The following IKBKB variants were observed in gnomAD, a reference collection of about 807,000 sequenced individuals.
IKBKB encodes inhibitor of nuclear factor kappa-B kinase subunit beta.
A neutral mutation model predicts 113.6 loss-of-function variants in IKBKB; 42 were observed. The ratio of observed to expected loss-of-function variants is 0.37; its 90% confidence interval spans 0.29 to 0.48. The LOEUF (loss-of-function observed/expected upper bound fraction) is 0.48. Ranked by LOEUF, IKBKB falls within the 20% of genes least tolerant of loss-of-function variation. The pLI, the probability that IKBKB is intolerant of heterozygous loss-of-function variation, is 0.99. For synonymous variants in IKBKB, 296 were observed against 361.3 expected (o/e 0.82, Z 2.05); for missense variants, 673 against 939.7 (o/e 0.72, Z 3.71).
Position 42,316,471 on chromosome 8 carries a change from T to C in IKBKB, c.930+132T>C. On this transcript the variant is annotated intron_variant, in intron 10 of 21. Coordinates refer to ENST00000520810, the MANE Select transcript of IKBKB (RefSeq NM_001556.3). The surrounding 1 kb of genome is among the most constrained non-coding windows in gnomAD (Gnocchi z 4.5). ...ATTTAGGCTCCTGCATCAGTCTTTC[T>C]GCATAAGTAAAGAAAGGACAGTTGT... 1 of 1,116,210 alleles carries C rather than the reference T, an allele frequency of 9.0e-7. No homozygotes were observed. Among genetic ancestry groups the C allele is most frequent in the Non-Finnish European group, 1.3e-6 (1 of 785,028 alleles). 69.1% of individuals were successfully genotyped at this position (1,116,210 alleles called of 1,614,324 possible). A position where few individuals can be genotyped will look rare whatever the true frequency, so the allele number is the denominator to read the frequency against.
intron 5 of IKBKB, among the ~76,000 whole-genome samples, chr8:42,298,833 C>T (rs1814483031): frequency 6.6e-6 from 1 of 152,126 alleles, no homozygotes; most frequent in Non-Finnish European, 1.5e-5. Context: ...GGATGGTGGC[C>T]CCGGGACATC....
Position 42,298,123 on chromosome 8 carries a change from T to C in IKBKB, c.388+4611T>C, listed in dbSNP as rs555894031. The C allele has an allele frequency of 3.0e-6, 3 of 985,438 alleles. No homozygotes were observed. The African/African-American group carries it at 5.2e-5, about 17-fold the overall frequency. 61.0% of individuals were successfully genotyped at this position (985,438 alleles called of 1,614,324 possible). ...TTTAAACAGTCTTGCTCATTATCCTTTGGAAAACATTGGCATGTGTTTTCT... is the reference window on the plus strand; with the variant it reads ...TTTAAACAGTCTTGCTCATTATCCTCTGGAAAACATTGGCATGTGTTTTCT... On this transcript the variant is annotated intron_variant, in intron 5 of 21. Coordinates refer to ENST00000520810, the MANE Select transcript of IKBKB (RefSeq NM_001556.3).
Position 42,322,137 on chromosome 8 carries a change from A to G in IKBKB, c.1822A>G (p.Ile608Val), listed in dbSNP as rs772743195. Reference protein sequence around the residue: ...IQSFEKKVRVIYTQLSKTVVC... With the variant: ...IQSFEKKVRVVYTQLSKTVVC... ...GAGCTTCGAGAAGAAAGTGCGAGTGATCTATACGCAGCTCAGGTATGAGCC... is the reference window on the plus strand; with the variant it reads ...GAGCTTCGAGAAGAAAGTGCGAGTGGTCTATACGCAGCTCAGGTATGAGCC... The change falls in exon 18 of 22, where the codon ATC becomes GTC. Residue 608 changes from isoleucine to valine, a missense_variant. By Grantham distance (29) the Ile-to-Val change is conservative. Coordinates refer to ENST00000520810, the MANE Select transcript of IKBKB (RefSeq NM_001556.3). 6.2e-7 allele frequency: 1 copy of G among 1,613,284 alleles called. No individual in the cohort carries two copies. Among genetic ancestry groups the G allele is most frequent in the Non-Finnish European group, 8.5e-7 (1 of 1,179,604 alleles).
chr8:42,314,459 T>C, intron 9 of IKBKB, 30 bp downstream of exon 9: 1 of 1,364,714 alleles, frequency 7.3e-7, no homozygotes, highest in South Asian at 1.2e-5. Flanking sequence ...CACGAATACA[T>C]ATCTTTCTTG....
chr8:42,293,380 A>T, intron 4 of IKBKB, 63 bp from the exon 5 acceptor site: 1 of 1,604,426 alleles, frequency 6.2e-7, no homozygotes, highest in Non-Finnish European at 8.5e-7. Context: ...GGTAAGAGAC[A>T]TGTGTGGATT....
intron 18 of IKBKB, 93 bp from the exon 19 acceptor site, chr8:42,322,254 A>C: frequency 6.3e-7 from 1 of 1,575,728 alleles, no homozygotes; most frequent in Admixed American, 1.7e-5. Flanking sequence ...TCATGAAGAG[A>C]GTTTCTGCAG....
chr8:42,327,510 GT>G (rs1386701438), intron 20 of IKBKB, among the ~76,000 whole-genome samples: 5 of 150,642 alleles, frequency 3.3e-5, no homozygotes, highest in African/African-American at 1.2e-4. Context: ...ATTTTTTGTA[GT>G]TTTAGTAGAG....
At chr8:42,271,524 G>T in intron 1 of IKBKB, 55 bp downstream of exon 1, 1 of 583,190 alleles carries the variant, frequency 1.7e-6, no homozygotes, top group East Asian at 3.5e-5. Context: ...CCGCCGCCCC[G>T]CTGCCTGCAA....
chr8:42,299,572 C>T (rs1814705412), intron 5 of IKBKB, among the ~76,000 whole-genome samples: 1 of 151,928 alleles, frequency 6.6e-6, no homozygotes, highest in African/African-American at 2.4e-5. Context: ...ACCCACCTGC[C>T]AGCCTCTGTG....
intron 1 of IKBKB, 165 bp downstream of exon 1, chr8:42,271,634 C>T: frequency 1.8e-6 from 1 of 547,358 alleles, no homozygotes; most frequent in Non-Finnish European, 3.2e-6. Flanking sequence ...GGAGAAACAG[C>T]TCTCCCTGGG....
chr8:42,314,472 T>G (rs768272162), intron 9 of IKBKB, 43 bp downstream of exon 9: 3 of 1,313,816 alleles, frequency 2.3e-6, no homozygotes, highest in Non-Finnish European at 2.2e-6. Flanking sequence ...CTTTCTTGCT[T>G]TTTTTAGAAA....
In IKBKB at chr8:42,271,342, G is replaced by C. The variant is rs758421950; in HGVS notation, c.-146G>C. 3 of 1,249,764 alleles carry C rather than the reference G, an allele frequency of 2.4e-6. No individual in the cohort carries two copies. The highest frequency in any genetic ancestry group is 3.0e-5 in the African/African-American group (2 of 67,568). The allele number at this position is 1,249,764 out of a possible 1,614,324, so 77.4% of individuals were successfully genotyped here. A position where few individuals can be genotyped will look rare whatever the true frequency, so the allele number is the denominator to read the frequency against. On this transcript the variant is annotated 5_prime_UTR_variant, in exon 1 of 22. Transcript: ENST00000520810. ...GAAGTGTTTGAGGAAGTCGCGCCGC[G>C]CTGCCCGCGTTAAGATTCCCGCATT... is the stretch of plus-strand genomic sequence containing the variant.
At chr8:42,308,836 GC>G in intron 7 of IKBKB, 64 bp from the exon 8 acceptor site, 2 of 1,519,088 alleles carry the variant, frequency 1.3e-6, no homozygotes, top group African/African-American at 1.4e-5. Context: ...TGGGCTGGCC[GC>G]CCCCTCCTGC....
At chr8:42,289,104 G>A (rs9969616) in intron 3 of IKBKB, among the ~76,000 whole-genome samples, 40,746 of 152,048 alleles carry the variant, frequency 0.27, 11,218 homozygotes, top group African/African-American at 0.71. Flanking sequence ...AGTCTCAGCC[G>A]CTCGGGTGGC....
At position 42,298,788 on chromosome 8, in the gene IKBKB, C is replaced by G. The variant is rs554163153; in HGVS notation, c.388+5276C>G. 2.0e-5 allele frequency among the ~76,000 whole-genome samples: 3 copies of G among 152,224 alleles called. No individual in the cohort carries two copies. The East Asian group carries it at 5.8e-4, about 29-fold the overall frequency. On this transcript the variant is annotated intron_variant, in intron 5 of 21. Coordinates refer to ENST00000520810, the MANE Select transcript of IKBKB (RefSeq NM_001556.3). The stretch of plus-strand genomic sequence containing the variant: ...TCTCTAGGGCCCCGTCTCCCTCTAA[C>G]AACTCCATTTCACTGTCCAGAAATC...
chr8:42,312,106 T>C (rs1817821271), intron 8 of IKBKB, among the ~76,000 whole-genome samples: 3 of 152,206 alleles, frequency 2.0e-5, no homozygotes, highest in Non-Finnish European at 4.4e-5. Context: ...CAGGATGGTC[T>C]CGATCTCCTG....
intron 2 of IKBKB, among the ~76,000 whole-genome samples, chr8:42,279,631 G>A (rs930884781): frequency 6.6e-6 from 1 of 152,164 alleles, no homozygotes; most frequent in African/African-American, 2.4e-5. Context: ...CTGAAGCACA[G>A]TCTCTGTGAC....
chr8:42,299,401 A>ACT (rs963570413), intron 5 of IKBKB, among the ~76,000 whole-genome samples: 1 of 152,044 alleles, frequency 6.6e-6, no homozygotes, highest in African/African-American at 2.4e-5. Context: ...ACTCTTAGAT[A>ACT]AAGGCCCAGC....
chr8:42,286,289 T>G (rs1196009132), intron 2 of IKBKB, among the ~76,000 whole-genome samples: 1 of 152,186 alleles, frequency 6.6e-6, no homozygotes, highest in African/African-American at 2.4e-5. Flanking sequence ...ATTGGTTTAT[T>G]GGTCAGTGAC....
Sources: allele counts gnomAD v4.1 joint callset (sites outside exome capture counted in the v4.1 genomes callset), GRCh38; gene constraint gnomAD v4.1.1; non-coding constraint Gnocchi (gnomAD v3.1); transcripts MANE v1.5; gene names NCBI Gene and HGNC (gene_info 2026-07-23, HGNC 2026-07-21).